The following PAX5 variants were observed in gnomAD, a reference collection of about 807,000 sequenced individuals.
PAX5 encodes the protein paired box 5.
A neutral mutation model predicts 43.7 loss-of-function variants in PAX5; 9 were observed. The observed-to-expected ratio is 0.21, with a 90% CI of 0.12 to 0.36. The LOEUF is 0.36. Among genes scored for constraint, PAX5 ranks in the 10% least tolerant of loss-of-function variants. The pLI, the probability that PAX5 is intolerant of heterozygous loss-of-function variation, is 1.00. For missense variants in PAX5, 383 were observed against 532.7 expected (o/e 0.72, Z 2.77); for synonymous variants, 228 against 214.3 (o/e 1.06, Z -0.56).
chr9:36,921,479 C>T (rs867658817), intron 7 of PAX5, among the ~76,000 whole-genome samples: 6 of 152,178 alleles, frequency 3.9e-5, no homozygotes, highest in African/African-American at 1.4e-4. Flanking sequence ...GCAGCACGGG[C>T]CCTGGCATTC....
intron 6 of PAX5, among the ~76,000 whole-genome samples, chr9:36,940,263 A>C (rs1219482466): frequency 6.6e-6 from 1 of 152,198 alleles, no homozygotes; most frequent in Non-Finnish European, 1.5e-5. Flanking sequence ...GATGAGGTTT[A>C]ATCGTCCAAC....
intron 2 of PAX5, among the ~76,000 whole-genome samples, chr9:37,018,377 C>T (rs1449026016): frequency 1.3e-5 from 2 of 151,966 alleles, no homozygotes; most frequent in African/African-American, 4.8e-5. Flanking sequence ...CTAGCCCCTC[C>T]GAAGCCTTGA....
intron 7 of PAX5, among the ~76,000 whole-genome samples, chr9:36,905,975 A>G (rs535617740): frequency 2.6e-5 from 4 of 152,324 alleles, no homozygotes; most frequent in African/African-American, 9.6e-5. Context: ...TGGAGGAGAC[A>G]GAGTGAGAAC....
At chr9:36,988,832 T>C (rs1432937637) in intron 5 of PAX5, among the ~76,000 whole-genome samples, 1 of 152,224 alleles carries the variant, frequency 6.6e-6, no homozygotes, top group Non-Finnish European at 1.5e-5. Flanking sequence ...AAACTTGCCA[T>C]GTGCCAGTGC....
chr9:36,982,644 C>T (rs754018425), intron 5 of PAX5, among the ~76,000 whole-genome samples: 1 of 152,188 alleles, frequency 6.6e-6, no homozygotes. Flanking sequence ...AAGGAAGAGG[C>T]AAGGGGCATC....
At chr9:36,959,255 G>A (rs187229445) in intron 6 of PAX5, among the ~76,000 whole-genome samples, 18 of 152,298 alleles carry the variant, frequency 1.2e-4, no homozygotes, top group Non-Finnish European at 1.9e-4. Flanking sequence ...AGATAATTAA[G>A]CTCTCTGGAT....
chr9:37,025,086 G>A (rs1840206969), intron 1 of PAX5, among the ~76,000 whole-genome samples: 1 of 152,226 alleles, frequency 6.6e-6, no homozygotes, highest in Non-Finnish European at 1.5e-5. Context: ...GGGCACTGGG[G>A]TCACCACAGA....
At chr9:36,845,758 T>C (rs765181873) in intron 9 of PAX5, among the ~76,000 whole-genome samples, 1 of 152,216 alleles carries the variant, frequency 6.6e-6, no homozygotes, top group Non-Finnish European at 1.5e-5. Flanking sequence ...TGAGATTACA[T>C]GGCCTTTTTC....
At chr9:37,025,838 G>T (rs1339419880) in intron 1 of PAX5, among the ~76,000 whole-genome samples, 1 of 151,978 alleles carries the variant, frequency 6.6e-6, no homozygotes, top group African/African-American at 2.4e-5. Flanking sequence ...TTTCTTTTTC[G>T]TTTCTTATCC....
At chr9:36,957,151 C>G (rs1833560733) in intron 6 of PAX5, among the ~76,000 whole-genome samples, 1 of 152,196 alleles carries the variant, frequency 6.6e-6, no homozygotes, top group Admixed American at 6.5e-5. Flanking sequence ...CTCAGAAGCC[C>G]TTCTCTGGAT....
intron 6 of PAX5, chr9:36,931,084 C>A: frequency 2.4e-6 from 1 of 419,386 alleles, no homozygotes; most frequent in Admixed American, 2.6e-5. Flanking sequence ...CTGTCACCTG[C>A]TGGGCTCCTG....
At chr9:36,997,218 C>G (rs912042502) in intron 5 of PAX5, among the ~76,000 whole-genome samples, 36 of 152,172 alleles carry the variant, frequency 2.4e-4, no homozygotes, top group Admixed American at 2.0e-3. Context: ...CCTGTGCCCT[C>G]CTTAGAAGGT....
At chr9:36,961,680 C>T (rs989053690) in intron 6 of PAX5, among the ~76,000 whole-genome samples, 1 of 152,200 alleles carries the variant, frequency 6.6e-6, no homozygotes, top group African/African-American at 2.4e-5. Flanking sequence ...GTAAATACGG[C>T]AGGCTATGCT....
intron 7 of PAX5, among the ~76,000 whole-genome samples, chr9:36,897,755 A>G (rs1827994105): frequency 1.3e-5 from 2 of 152,136 alleles, no homozygotes; most frequent in Admixed American, 1.3e-4. Flanking sequence ...CAAGAAACTG[A>G]TGCTCAATTT....
chr9:36,937,242 C>T (rs921650120), intron 6 of PAX5, among the ~76,000 whole-genome samples: 8 of 152,178 alleles, frequency 5.3e-5, no homozygotes, highest in African/African-American at 1.9e-4. Context: ...TTAATCCTTG[C>T]AACAACCCTA....
intron 7 of PAX5, among the ~76,000 whole-genome samples, chr9:36,918,488 C>T (rs1170895241): frequency 6.6e-6 from 1 of 152,026 alleles, no homozygotes; most frequent in Non-Finnish European, 1.5e-5. Flanking sequence ...CATAGAAAAA[C>T]CCTGTCTCTA....
At chr9:36,908,017 T>C (rs1828960101) in intron 7 of PAX5, among the ~76,000 whole-genome samples, 1 of 152,072 alleles carries the variant, frequency 6.6e-6, no homozygotes, top group Non-Finnish European at 1.5e-5. Flanking sequence ...TTGGGCAACA[T>C]GGCAAAACGC....
At chr9:37,017,537 C>T (rs1460098870) in intron 2 of PAX5, among the ~76,000 whole-genome samples, 2 of 152,226 alleles carry the variant, frequency 1.3e-5, no homozygotes, top group East Asian at 1.9e-4. Flanking sequence ...TGATAGTCAC[C>T]GAGTGTCTGT....
At chr9:36,976,137 G>C (rs374738968) in intron 5 of PAX5, among the ~76,000 whole-genome samples, 6 of 152,198 alleles carry the variant, frequency 3.9e-5, no homozygotes, top group African/African-American at 1.4e-4. Context: ...ATTTGAGGCT[G>C]TTCATAGAAT....
Sources: allele counts gnomAD v4.1 joint callset (sites outside exome capture counted in the v4.1 genomes callset), GRCh38; gene constraint gnomAD v4.1.1; transcripts MANE v1.5; gene names NCBI Gene and HGNC (gene_info 2026-07-23, HGNC 2026-07-21).